The following POLG2 variants were observed in gnomAD, a reference collection of about 807,000 sequenced individuals.
The protein encoded by POLG2 is DNA polymerase subunit gamma-2.
Under a neutral mutation model 56.5 loss-of-function variants are expected in POLG2, and 50 were observed. The observed-to-expected ratio is 0.88, with a 90% CI of 0.71 to 1.12. The LOEUF (loss-of-function observed/expected upper bound fraction) is 1.12, where lower values mean the gene tolerates loss of function less well. POLG2 is among the 50% of genes most tolerant of loss of function. The pLI, the probability that POLG2 is intolerant of heterozygous loss-of-function variation, is 0.00. For missense variants in POLG2, 584 were observed against 583.3 expected, an observed-to-expected ratio of 1.00 and a Z score of -0.01; for synonymous variants, 226 against 222.6, an observed-to-expected ratio of 1.02 and a Z score of -0.14.
rs188524110 is a variant in POLG2, at chr17:64,481,775, T to A, written c.1191+1144A>T. On this transcript the variant is annotated intron_variant, in intron 6 of 7. Transcript: ENST00000539111. ...CTGTAATCCCATCTACTAGGGAGGC[T>A]GAGGCAGGAGAATTGCTTGAACCTG... 3.0e-3 allele frequency among the ~76,000 whole-genome samples: 459 copies of A among 152,160 alleles called. 1 individual carries two copies. Among genetic ancestry groups the A allele is most frequent in the African/African-American group, 0.011 (440 of 41,524 alleles).
intron 4 of POLG2, among the ~76,000 whole-genome samples, chr17:64,489,313 T>C (rs531342144): frequency 1.0e-4 from 15 of 148,122 alleles, no homozygotes; most frequent in Non-Finnish European, 2.1e-4. Flanking sequence ...CTCTACAGTA[T>C]ATTGCTGACC....
chr17:64,481,706 C>G (rs945004653), intron 6 of POLG2, among the ~76,000 whole-genome samples: 3 of 151,930 alleles, frequency 2.0e-5, no homozygotes, highest in African/African-American at 7.3e-5. Context: ...AACCCTGTCT[C>G]TACTAAAAAT....
At chr17:64,486,378 A>T (rs1186113969) in intron 4 of POLG2, among the ~76,000 whole-genome samples, 1,706 of 146,558 alleles carry the variant, frequency 0.012, 29 homozygotes, top group Non-Finnish European at 0.019. Flanking sequence ...TTTTTTTAAT[A>T]CAGACAGAGT....
intron 4 of POLG2, chr17:64,487,031 C>T (rs1555667610): frequency 6.6e-6 from 1 of 151,668 alleles, no homozygotes; most frequent in Non-Finnish European, 1.5e-5. Context: ...CCTGGATATT[C>T]ATGTAATTTT....
chr17:64,488,817 A>G (rs1470491511), intron 4 of POLG2, among the ~76,000 whole-genome samples: 1 of 152,030 alleles, frequency 6.6e-6, no homozygotes, highest in Non-Finnish European at 1.5e-5. Context: ...AAAATACAAA[A>G]ATTAACCGGG....
At position 64,477,858 on chromosome 17, in the gene POLG2, A is replaced by G; in HGVS notation, c.1423T>C (p.Leu475=). The change falls in exon 8 of 8, where the codon TTG becomes CTG. Residue 475 remains leucine (L), a synonymous_variant. Coordinates refer to ENST00000539111, the MANE Select transcript of POLG2 (RefSeq NM_007215.4). ...TTAGCTGATGATATATACTTAATCA[A>G]AAAGTCTTTTAATTTGGATATATGC... ...MMHISKLKDF[L]IKYISSAKNV The G allele has an allele frequency of 6.2e-7, 1 of 1,609,720 alleles. No individual in the cohort carries two copies. The highest frequency in any genetic ancestry group is 8.5e-7 in the Non-Finnish European group (1 of 1,178,452).
chr17:64,478,582 T>C (rs1366945440), intron 7 of POLG2, among the ~76,000 whole-genome samples: 1 of 152,166 alleles, frequency 6.6e-6, no homozygotes, highest in Non-Finnish European at 1.5e-5. Flanking sequence ...GTCTATTTTG[T>C]CCTACTAGAA....
intron 1 of POLG2, among the ~76,000 whole-genome samples, chr17:64,494,548 C>A (rs1484690427): frequency 2.0e-5 from 3 of 152,142 alleles, no homozygotes; most frequent in African/African-American, 7.2e-5. Flanking sequence ...TCCATAGCTT[C>A]TGTAAAAACA....
Position 64,490,785 on chromosome 17 carries a change from G to A in POLG2, c.969+11C>T, listed in dbSNP as rs1213690757. On this transcript the variant is annotated intron_variant, in intron 4 of 7. Coordinates refer to ENST00000539111, the MANE Select transcript of POLG2 (RefSeq NM_007215.4). ...GGTAAAAAATACATAGGAGCTCCAG[G>A]TAAAACATACATGTAATTTAGACAC... The A allele has an allele frequency of 3.7e-6, 6 of 1,604,612 alleles. No homozygotes were observed. The African/African-American group carries it at 6.7e-5, about 18-fold the overall frequency.
chr17:64,485,592 A>C, intron 5 of POLG2, 136 bp downstream of exon 5: 1 of 752,584 alleles, frequency 1.3e-6, no homozygotes, highest in South Asian at 1.6e-5. Context: ...ATTCTAAAAA[A>C]ACTGAAAAAT....
chr17:64,480,977 TG>T (rs1555666389), intron 6 of POLG2, among the ~76,000 whole-genome samples: 1 of 152,206 alleles, frequency 6.6e-6, no homozygotes, highest in Admixed American at 6.6e-5. Flanking sequence ...TAAACTTAAC[TG>T]TTTTCTTTAC....
chr17:64,479,512 G>A (rs2037822285), intron 7 of POLG2, among the ~76,000 whole-genome samples: 1 of 151,970 alleles, frequency 6.6e-6, no homozygotes, highest in Admixed American at 6.6e-5. Flanking sequence ...CAAATGTTCA[G>A]AGAACTGAAG....
intron 7 of POLG2, among the ~76,000 whole-genome samples, chr17:64,478,853 C>T (rs994710811): frequency 1.6e-4 from 25 of 152,092 alleles, no homozygotes; most frequent in African/African-American, 5.5e-4. Context: ...GCCGAGATCA[C>T]GCCATTGCAC....
intron 7 of POLG2, among the ~76,000 whole-genome samples, chr17:64,478,908 G>A (rs7214385): frequency 0.28 from 42,138 of 151,926 alleles, 11,247 homozygotes; most frequent in African/African-American, 0.7. Context: ...AAAAAAGAAT[G>A]ATACATTTTT....
At chr17:64,495,734 G>A (rs889493374) in intron 1 of POLG2, among the ~76,000 whole-genome samples, 1 of 151,394 alleles carries the variant, frequency 6.6e-6, no homozygotes, top group Admixed American at 6.6e-5. Flanking sequence ...TTAAGACGGA[G>A]TTTTGCTCTT....
At chr17:64,489,012 T>G (rs1386179826) in intron 4 of POLG2, among the ~76,000 whole-genome samples, 1 of 151,538 alleles carries the variant, frequency 6.6e-6, no homozygotes, top group Non-Finnish European at 1.5e-5. Context: ...GTTTTTGCTA[T>G]ATATTTTTTC....
chr17:64,491,483 C>T, intron 3 of POLG2: 1 of 1,303,618 alleles, frequency 7.7e-7, no homozygotes, highest in South Asian at 1.2e-5. Context: ...GCAGTCCAGC[C>T]CGGGCAAAAG....
intron 4 of POLG2, among the ~76,000 whole-genome samples, chr17:64,489,816 A>G (rs1294078202): frequency 6.6e-6 from 1 of 152,202 alleles, no homozygotes; most frequent in Non-Finnish European, 1.5e-5. Context: ...TGATCTGGGC[A>G]AGAATCATCA....
intron 1 of POLG2, among the ~76,000 whole-genome samples, chr17:64,496,143 A>G (rs1376451904): frequency 1.3e-5 from 2 of 152,248 alleles, no homozygotes; most frequent in Non-Finnish European, 2.9e-5. Flanking sequence ...ACTAAATGAC[A>G]GCACTGTGTT....
Sources: gnomAD v4.1 joint callset for allele counts (sites outside exome capture counted in the v4.1 genomes callset) on GRCh38, gnomAD v4.1.1 for gene constraint, MANE v1.5 for transcripts, NCBI Gene and HGNC (gene_info 2026-07-23, HGNC 2026-07-21) for gene names.